Variants in FAS observed in about 807,000 individuals in gnomAD.
FAS encodes the protein tumor necrosis factor receptor superfamily member 6.
Under a neutral mutation model 33.2 loss-of-function variants are expected in FAS, and 5 were observed. That is an observed-to-expected ratio of 0.15 (90% CI 0.08 to 0.32). The LOEUF (loss-of-function observed/expected upper bound fraction) is 0.32. FAS is among the 10% of genes least tolerant of loss of function. The probability of loss-of-function intolerance (pLI) is 1.00; values close to 1 mark genes in which losing one functional copy is unlikely to be tolerated. For missense variants in FAS, 339 were observed against 386.0 expected (o/e 0.88, Z 1.02); for synonymous variants, 131 against 130.7 (o/e 1.00, Z -0.01).
At chr10:88,999,325 C>G (rs948297814) in intron 1 of FAS, among the ~76,000 whole-genome samples, 3 of 152,102 alleles carry the variant, frequency 2.0e-5, no homozygotes, top group Non-Finnish European at 4.4e-5. Context: ...CTATTTTCAT[C>G]AATTTATTTG....
At chr10:88,989,565 C>T, upstream of FAS, 1 of 541,834 alleles carries the variant, frequency 1.8e-6, no homozygotes, top group Non-Finnish European at 3.7e-6. Context: ...CCTATCAACA[C>T]CTACAAGACT....
At chr10:89,008,705 TG>T (rs1848371574) in intron 3 of FAS, among the ~76,000 whole-genome samples, 183 bp from the exon 4 acceptor site, 1 of 152,202 alleles carries the variant, frequency 6.6e-6, no homozygotes, top group Non-Finnish European at 1.5e-5. Flanking sequence ...GCTAAATGAT[TG>T]CTGGCCATTT....
At chr10:88,994,441 CTTGAAA>C (rs1280696597) in intron 1 of FAS, among the ~76,000 whole-genome samples, 1 of 152,150 alleles carries the variant, frequency 6.6e-6, no homozygotes, top group Non-Finnish European at 1.5e-5. Flanking sequence ...CAATTTAAAA[CTTGAAA>C]TTGATAAAAA....
At chr10:88,967,295 T>C (rs1846336286) in intron 1 of FAS, among the ~76,000 whole-genome samples, 1 of 152,108 alleles carries the variant, frequency 6.6e-6, no homozygotes. Context: ...CATCATCAGG[T>C]AGGGGCAAGA....
At chr10:88,989,300 C>T (rs1847026887), upstream of FAS, among the ~76,000 whole-genome samples, 1 of 151,946 alleles carries the variant, frequency 6.6e-6, no homozygotes, top group African/African-American at 2.4e-5. Flanking sequence ...CTTCCCTTAC[C>T]TCTCCTTTCC....
chr10:89,014,041 A>G, intron 8 of FAS, 78 bp from the exon 9 acceptor site: 2 of 1,441,522 alleles, frequency 1.4e-6, no homozygotes, highest in South Asian at 2.4e-5. Flanking sequence ...GTACTATAAA[A>G]AGAGAAATAA....
chr10:89,000,894 A>G (rs1926191), intron 1 of FAS, among the ~76,000 whole-genome samples: 59,364 of 150,442 alleles, frequency 0.39, 11,768 homozygotes, highest in East Asian at 0.49. Flanking sequence ...TAAAAATACA[A>G]AAAATTAGCC....
intron 2 of FAS, among the ~76,000 whole-genome samples, chr10:89,006,455 A>G (rs574119790): frequency 1.2e-3 from 182 of 152,346 alleles, no homozygotes; most frequent in African/African-American, 4.1e-3. Context: ...TAAGGAATTC[A>G]TGTTCCTAGG....
chr10:88,968,393 A>G (rs1184265503), intron 1 of FAS, among the ~76,000 whole-genome samples: 1 of 104,476 alleles, frequency 9.6e-6, no homozygotes, highest in African/African-American at 3.0e-5. Flanking sequence ...TGGGTTTAAA[A>G]CTCATAATGG....
intron 3 of FAS, among the ~76,000 whole-genome samples, chr10:89,008,135 T>TA (rs1848338333): frequency 6.6e-6 from 1 of 152,192 alleles, no homozygotes; most frequent in Non-Finnish European, 1.5e-5. Context: ...GGCCTTGACT[T>TA]ACGCTTATAT....
chr10:89,014,356 C>G lies in FAS; in HGVS notation c.914C>G (p.Thr305Ser). 1 of 1,613,816 alleles carries G rather than the reference C, an allele frequency of 6.2e-7. No homozygotes were observed. The highest frequency in any genetic ancestry group is 8.5e-7 in the Non-Finnish European group (1 of 1,179,920). ...IKDLKKANLC[T>S]LAEKIQTIIL... is the part of the protein sequence containing the mutation. ...GATCTCAAAAAAGCCAATCTTTGTA[C>G]TCTTGCAGAGAAAATTCAGACTATC... Residue 305 changes from threonine to serine, a missense_variant, in exon 9 of 9, where the codon ACT becomes AGT. Thr to Ser is a moderately conservative substitution (Grantham distance 58, BLOSUM62 1). Transcript: ENST00000652046.
chr10:89,004,794 C>T (rs1240735899), intron 2 of FAS, among the ~76,000 whole-genome samples: 4 of 151,990 alleles, frequency 2.6e-5, no homozygotes, highest in Admixed American at 2.0e-4. Context: ...CTCCCTGATC[C>T]GTCTATAAAA....
chr10:89,004,643 T>C (rs1369551035), intron 2 of FAS, among the ~76,000 whole-genome samples: 2 of 152,052 alleles, frequency 1.3e-5, no homozygotes, highest in Non-Finnish European at 2.9e-5. Context: ...TGATGTAGGA[T>C]TCCTTAGGTA....
chr10:88,982,508 C>T (rs1415250676), upstream of FAS, among the ~76,000 whole-genome samples: 1 of 151,086 alleles, frequency 6.6e-6, no homozygotes, highest in Non-Finnish European at 1.5e-5. Context: ...TGTCCCACGA[C>T]AGAAATAAAA....
rs367885573 is a variant in FAS, at chr10:88,990,942, G to A, written c.30+36G>A. The A allele has an allele frequency of 1.0e-4, 161 of 1,613,938 alleles. No individual in the cohort carries two copies. Among genetic ancestry groups the A allele is most frequent in the Non-Finnish European group, 1.3e-4 (149 of 1,179,932 alleles). ...TCCTGCCCGGGTGGAGGCTTACCCCGTCTTAGTCCCGGGGATAGGCAAAGT... is the reference window on the plus strand; with the variant it reads ...TCCTGCCCGGGTGGAGGCTTACCCCATCTTAGTCCCGGGGATAGGCAAAGT... On this transcript the variant is annotated intron_variant, in intron 1 of 8. Transcript: ENST00000652046. This position sits in a 1 kb window ranked among gnomAD's most constrained non-coding sequence, Gnocchi z 4.9.
intron 1 of FAS, chr10:88,991,346 G>A (rs45465101): frequency 0.031 from 9,804 of 315,920 alleles, 205 homozygotes; most frequent in African/African-American, 0.065. Flanking sequence ...GGTCCGCTCC[G>A]GCGCGGGTGG....
At chr10:88,978,372 A>C (rs1180328485) in intron 2 of FAS, among the ~76,000 whole-genome samples, 1 of 151,976 alleles carries the variant, frequency 6.6e-6, no homozygotes, top group African/African-American at 2.4e-5. Flanking sequence ...CATAATGTGC[A>C]CATGTACCCT....
Position 89,003,181 on chromosome 10 carries a change from G to A in FAS, c.183G>A (p.Lys61=), listed in dbSNP as rs3218613. The change falls in exon 2 of 9, where the codon AAG becomes AAA. Residue 61 remains lysine (K), a synonymous_variant. Coordinates refer to ENST00000652046, the MANE Select transcript of FAS (RefSeq NM_000043.6). ...ATCATGATGGCCAATTCTGCCATAA[G>A]CCCTGTCCTCCAGGTATGTTACACA... ...GLHHDGQFCH[K]PCPPGERKAR... is the part of the protein sequence containing the mutation. 14,563 of 1,614,074 alleles carry A rather than the reference G, an allele frequency of 9.0e-3. 89 individuals are homozygous for A. Among genetic ancestry groups the A allele is most frequent in the Non-Finnish European group, 0.011 (12,777 of 1,179,948 alleles).
At chr10:88,994,749 A>T (rs890648639) in intron 1 of FAS, among the ~76,000 whole-genome samples, 5 of 151,690 alleles carry the variant, frequency 3.3e-5, no homozygotes, top group African/African-American at 1.2e-4. Flanking sequence ...TTTATCTCAT[A>T]TTTTTTATTG....
Sources: gnomAD v4.1 joint callset for allele counts (sites outside exome capture counted in the v4.1 genomes callset) on GRCh38, gnomAD v4.1.1 for gene constraint, Gnocchi (gnomAD v3.1) non-coding constraint, MANE v1.5 for transcripts, NCBI Gene and HGNC (gene_info 2026-07-23, HGNC 2026-07-21) for gene names.